The following ARNT variants were observed in gnomAD, a reference collection of about 807,000 sequenced individuals.
The protein encoded by ARNT is aryl hydrocarbon receptor nuclear translocator, also known as class E basic helix-loop-helix protein 2.
ARNT carries 30 observed loss-of-function variants against 105.0 expected under a neutral mutation model. The ratio of observed to expected loss-of-function variants is 0.29; its 90% CI spans 0.21 to 0.39. The LOEUF (loss-of-function observed/expected upper bound fraction) is 0.39. ARNT is among the 10% of genes least tolerant of loss of function. ARNT has a pLI of 1.00. For missense variants in ARNT, 748 were observed against 978.7 expected, an observed-to-expected ratio of 0.76 and a Z score of 3.15; for synonymous variants, 304 against 344.0, an observed-to-expected ratio of 0.88 and a Z score of 1.29.
intron 1 of ARNT, among the ~76,000 whole-genome samples, chr1:150,873,909 G>C (rs1181485897): frequency 2.0e-5 from 3 of 148,578 alleles, no homozygotes; most frequent in Admixed American, 7.0e-5. Flanking sequence ...GACAGAGCAA[G>C]AACCTGTCTG....
rs1341630450 is a variant in ARNT at position 150,817,146 on chromosome 1, T to C, written c.1635A>G (p.Ser545=). ...CTCTATCCTGGGCAAATAAACCATCTGACTTCTCAAGGGGCTTGCTGTGTT... is the reference window on the plus strand; with the variant it reads ...CTCTATCCTGGGCAAATAAACCATCCGACTTCTCAAGGGGCTTGCTGTGTT... ...GPEHSKPLEK[S]DGLFAQDRDP... The change falls in exon 17 of 22, where the codon TCA becomes TCG. Residue 545 remains serine (S), a synonymous_variant. Transcript: ENST00000358595. 1 of 1,614,222 alleles carries C rather than the reference T, an allele frequency of 6.2e-7. No homozygotes were observed. Among genetic ancestry groups the C allele is most frequent in the Admixed American group, 1.7e-5 (1 of 60,022 alleles).
chr1:150,867,289 G>A (rs1666755365), intron 1 of ARNT, among the ~76,000 whole-genome samples: 1 of 151,926 alleles, frequency 6.6e-6, no homozygotes, highest in African/African-American at 2.4e-5. Context: ...CAGCTACTAG[G>A]GAGACCAAGA....
intron 8 of ARNT, among the ~76,000 whole-genome samples, chr1:150,832,749 A>G (rs1228304058): frequency 1.3e-5 from 2 of 152,240 alleles, no homozygotes; most frequent in Non-Finnish European, 2.9e-5. Flanking sequence ...GATAATATGT[A>G]AAAATATGGG....
rs587697329 is a variant in ARNT at position 150,847,425 on chromosome 1, C to CAAAA, written c.183-1122_183-1119dup. ...GTGGCAACAGAGCGAGACTCCGTCT[C>CAAAA]AAAAAAAAAAAAAAAAAAAAAGAAG... is the stretch of plus-strand genomic sequence containing the variant. On this transcript the variant is annotated intron_variant, in intron 3 of 21. Transcript: ENST00000358595. 5.4e-4 allele frequency among the ~76,000 whole-genome samples: 49 copies of CAAAA among 90,418 alleles called. 1 individual carries two copies. The highest frequency in any genetic ancestry group is 1.3e-3 in the South Asian group (3 of 2,362). 59.3% of individuals were successfully genotyped at this position (90,418 alleles called of 152,430 possible). A position where few individuals can be genotyped will look rare whatever the true frequency, so the allele number is the denominator to read the frequency against.
intron 1 of ARNT, among the ~76,000 whole-genome samples, chr1:150,864,508 A>G (rs1666197675): frequency 6.6e-6 from 1 of 151,054 alleles, no homozygotes. Context: ...AAACTATCGC[A>G]AGATCAAAAA....
chr1:150,869,694 T>C lies in ARNT; in HGVS notation c.25+6849A>G, dbSNP rs587635162. Among the ~76,000 whole-genome samples, 64 of 149,816 alleles carry C rather than the reference T, an allele frequency of 4.3e-4. 1 individual carries two copies. In the South Asian group the frequency reaches 0.01, roughly 24 times the overall value. On this transcript the variant is annotated intron_variant, in intron 1 of 21. Transcript: ENST00000358595. ...TCCCAAGTAGTTGGGACTATAGGCA[T>C]CCACCACCACATCTAGCTAATTTTT...
intron 6 of ARNT, among the ~76,000 whole-genome samples, chr1:150,837,962 GT>G (rs1660611710): frequency 1.3e-5 from 2 of 151,956 alleles, no homozygotes; most frequent in South Asian, 2.1e-4. Context: ...TGATAATTCA[GT>G]TTTATCGATT....
At chr1:150,824,487 G>A (rs1295484992) in intron 13 of ARNT, among the ~76,000 whole-genome samples, 2 of 144,560 alleles carry the variant, frequency 1.4e-5, no homozygotes, top group Non-Finnish European at 3.0e-5. Flanking sequence ...ATGGAGTCTC[G>A]CTCTGTCGCC....
intron 1 of ARNT, among the ~76,000 whole-genome samples, chr1:150,864,773 T>A (rs11204734): frequency 0.45 from 57,366 of 127,376 alleles, 11,915 homozygotes; most frequent in Admixed American, 0.47. Context: ...AAAAAATAAA[T>A]AAATAAATAA....
At chr1:150,826,660 T>C (rs763218899) in intron 12 of ARNT, 43 bp from the exon 13 acceptor site, 2 of 1,467,518 alleles carry the variant, frequency 1.4e-6, no homozygotes, top group Non-Finnish European at 1.9e-6. Flanking sequence ...TTTTTTTTTT[T>C]TAAGATGGAG....
At chr1:150,814,056 C>T (rs1271141165) in intron 20 of ARNT, 21 bp downstream of exon 20, 2 of 1,610,808 alleles carry the variant, frequency 1.2e-6, no homozygotes, top group East Asian at 2.2e-5. Flanking sequence ...TCCTGTTACT[C>T]TCCTTATGGT....
rs199819566 is a variant in ARNT at position 150,831,830 on chromosome 1, A to G, written c.943T>C (p.Trp315Arg). The change falls in exon 10 of 22, where the codon TGG becomes CGG. Residue 315 changes from tryptophan (W) to arginine (R), a missense_variant. Physicochemically the swap from Trp to Arg is moderately radical, Grantham distance 101. Transcript: ENST00000358595. ...VVHCTGYIKAWPPAGVSLPDD... is the reference protein window; with the variant it reads ...VVHCTGYIKARPPAGVSLPDD... ...TTCACTTTCTTACCTGCTGGGGGCC[A>G]GGCCTTGATGTAGCCTGTGCAGTGG... 1.2e-6 allele frequency: 2 copies of G among 1,607,246 alleles called. No homozygotes were observed. Among genetic ancestry groups the G allele is most frequent in the Non-Finnish European group, 8.5e-7 (1 of 1,177,778 alleles).
intron 11 of ARNT, 31 bp downstream of exon 11, chr1:150,829,873 G>T (rs772220628): frequency 6.2e-7 from 1 of 1,608,148 alleles, no homozygotes; most frequent in Non-Finnish European, 8.5e-7. Flanking sequence ...CTAATTGAAC[G>T]GGAATATAGA....
intron 13 of ARNT, among the ~76,000 whole-genome samples, chr1:150,823,684 G>T (rs1232806490): frequency 6.6e-6 from 1 of 151,934 alleles, no homozygotes; most frequent in African/African-American, 2.4e-5. Flanking sequence ...CCGAGTGGCT[G>T]GGACTACAGG....
Position 150,811,456 on chromosome 1 carries a change from G to GCACACACACA in ARNT, c.*564_*565insTGTGTGTGTG, listed in dbSNP as rs1156605423. 1 of 92,384 alleles carries GCACACACACA rather than the reference G, an allele frequency of 1.1e-5. No homozygotes were observed. 5.7% of individuals were successfully genotyped at this position (92,384 alleles called of 1,614,324 possible). On this transcript the variant is annotated 3_prime_UTR_variant, in exon 22 of 22. Transcript: ENST00000358595. ...AAGAGTGAAATACAGAAGCATGTGT[G>GCACACACACA]CGCACACACACACACACACACATAC...
At chr1:150,864,008 A>G (rs1474789924) in intron 1 of ARNT, among the ~76,000 whole-genome samples, 1 of 152,168 alleles carries the variant, frequency 6.6e-6, no homozygotes, top group African/African-American at 2.4e-5. Flanking sequence ...TAGATGGTAC[A>G]GCCACTACAC....
In ARNT at chr1:150,858,353, G is replaced by A. The variant is rs1664993700; in HGVS notation, c.133C>T (p.Pro45Ser). The A allele has an allele frequency of 6.2e-7, 1 of 1,603,888 alleles. No individual in the cohort carries two copies. The highest frequency in any genetic ancestry group is 8.5e-7 in the Non-Finnish European group (1 of 1,174,274). The change falls in exon 2 of 22, where the codon CCA (proline) becomes TCA (serine). Residue 45 changes from proline to serine, a missense_variant. This residue lies in a region of ARNT where 93 missense variants were observed against 101.6 expected (regional missense o/e 0.92). Transcript: ENST00000358595. The part of the protein sequence containing the change: ...AIVQRAIKRR[P>S]GLDFDDDGEG... ...ACACACTACACTCAAACTCACCCTG[G>A]TCGCCGCTTAATAGCCCTCTGGACA...
intron 4 of ARNT, among the ~76,000 whole-genome samples, chr1:150,844,477 CCT>C (rs1429586526): frequency 6.6e-6 from 1 of 152,072 alleles, no homozygotes; most frequent in Non-Finnish European, 1.5e-5. Context: ...AACTACTTCC[CCT>C]GATATTTCTA....
intron 20 of ARNT, 46 bp from the exon 21 acceptor site, chr1:150,813,384 T>G (rs1655143511): frequency 6.5e-7 from 1 of 1,537,974 alleles, no homozygotes; most frequent in Non-Finnish European, 8.8e-7. Flanking sequence ...TCTACACAAT[T>G]CCATTGTGTA....
Sources: gnomAD v4.1 joint callset for allele counts (sites outside exome capture counted in the v4.1 genomes callset) on GRCh38, gnomAD v4.1.1 for gene constraint, gnomAD v4.1.1 regional missense constraint, MANE v1.5 for transcripts, NCBI Gene and HGNC (gene_info 2026-07-23, HGNC 2026-07-21) for gene names.